Variants in BSCL2 observed in about 807,000 individuals in gnomAD.
BSCL2 encodes BSCL2 lipid droplet biogenesis associated, seipin, also known as seipin.
A neutral mutation model predicts 57.4 loss-of-function variants in BSCL2; 41 were observed. That is an observed-to-expected ratio of 0.71 (90% CI 0.56 to 0.93). BSCL2 has a LOEUF of 0.93. Ranked by LOEUF, BSCL2 falls within the 40% of genes least tolerant of loss-of-function variation. BSCL2 has a pLI of 0.00. For synonymous variants in BSCL2, 237 were observed against 227.3 expected (o/e 1.04, Z -0.38); for missense variants, 539 against 586.7 (o/e 0.92, Z 0.84).
chr11:62,705,535 G>T lies in BSCL2; in HGVS notation c.170C>A (p.Ala57Asp). ...AARNARPEPG[A>D]RHPALPAMVN... is the part of the protein sequence containing the mutation. ...CATGGCCGGGAGAGCAGGGTGTCTG[G>T]CCCCAGGTTCAGGCCTTGCGTTCCT... The change falls in exon 2 of 11, where the codon GCC becomes GAC. Residue 57 changes from alanine (A) to aspartate (D), a missense_variant. Transcript: ENST00000360796. 5 of 1,612,486 alleles carry T rather than the reference G, an allele frequency of 3.1e-6. No homozygotes were observed. Among genetic ancestry groups the T allele is most frequent in the Non-Finnish European group, 4.2e-6 (5 of 1,178,890 alleles).
chr11:62,697,777 G>C (rs1945514487), intron 3 of BSCL2, among the ~76,000 whole-genome samples: 2 of 145,834 alleles, frequency 1.4e-5, no homozygotes, highest in South Asian at 2.2e-4. Flanking sequence ...CTGGGCAACA[G>C]AGAGAGACTC....
intron 3 of BSCL2, among the ~76,000 whole-genome samples, chr11:62,695,042 G>A (rs926726513): frequency 7.2e-5 from 11 of 152,222 alleles, no homozygotes; most frequent in South Asian, 2.1e-4. Flanking sequence ...CCTATGGGCC[G>A]GTGAGGCTGT....
chr11:62,692,315 C>T (rs1369087582), intron 6 of BSCL2, 61 bp downstream of exon 6: 4 of 1,552,428 alleles, frequency 2.6e-6, no homozygotes, highest in African/African-American at 1.4e-5. Context: ...TTGGGACCCT[C>T]TTGGTGGAAG....
upstream of BSCL2, chr11:62,708,414 G>T: frequency 6.5e-7 from 1 of 1,547,958 alleles, no homozygotes; most frequent in Non-Finnish European, 8.9e-7. Context: ...ACCCTGGCTG[G>T]CTCCCATTAG....
chr11:62,690,906 G>T, intron 8 of BSCL2, 39 bp from the exon 9 acceptor site: 1 of 1,609,578 alleles, frequency 6.2e-7, no homozygotes, highest in South Asian at 1.1e-5. Flanking sequence ...TTAGGGTTAG[G>T]GTGGCTGTGC....
intron 3 of BSCL2, among the ~76,000 whole-genome samples, chr11:62,702,048 C>T (rs938176343): frequency 1.4e-5 from 2 of 146,300 alleles, no homozygotes; most frequent in Non-Finnish European, 3.0e-5. Flanking sequence ...ATTTCTTTTC[C>T]TTCAAAGCCT....
Position 62,702,516 on chromosome 11 carries a change from G to C in BSCL2, c.438C>G (p.Cys146Trp). 6.2e-7 allele frequency: 1 copy of C among 1,612,806 alleles called. No individual in the cohort carries two copies. Among genetic ancestry groups the C allele is most frequent in the Non-Finnish European group, 8.5e-7 (1 of 1,179,102 alleles). ...GCGAGACATTGGCAACAGGGAAGGA[G>C]CAGAGTGAGGTGGTGGAGGAATCAC... ...TDCDSSTTSLCSFPVANVSLT... is the reference protein window; with the variant it reads ...TDCDSSTTSLWSFPVANVSLT... The change falls in exon 3 of 11, where the codon TGC becomes TGG. Residue 146 changes from cysteine (C) to tryptophan (W), a missense_variant. Cys to Trp is a radical substitution (Grantham distance 215). Transcript: ENST00000360796.
intron 3 of BSCL2, among the ~76,000 whole-genome samples, chr11:62,696,888 C>T (rs1167996387): frequency 1.3e-5 from 2 of 151,904 alleles, no homozygotes; most frequent in Non-Finnish European, 2.9e-5. Flanking sequence ...AGGTAGTTCT[C>T]TTAGCCAGGT....
In BSCL2 at chr11:62,690,916, C is replaced by A. The variant is rs751986246; in HGVS notation, c.1073-49G>T. On this transcript the variant is annotated intron_variant, in intron 8 of 10. Coordinates refer to ENST00000360796, the MANE Select transcript of BSCL2 (RefSeq NM_001122955.4). ...ACAGGTTAGGGTTAGGGTGGCTGTGCCTGGACGGCAGTGCCAACCTCACCT... is the reference window on the plus strand; with the variant it reads ...ACAGGTTAGGGTTAGGGTGGCTGTGACTGGACGGCAGTGCCAACCTCACCT... The A allele has an allele frequency of 6.9e-6, 11 of 1,603,912 alleles. No individual in the cohort carries two copies. In the Admixed American group the frequency reaches 1.9e-4, roughly 27 times the overall value.
chr11:62,696,274 CTT>C (rs754106502), intron 3 of BSCL2, among the ~76,000 whole-genome samples: 19 of 85,166 alleles, frequency 2.2e-4, no homozygotes, highest in African/African-American at 4.8e-4. Context: ...GCTTCATAAA[CTT>C]TTTGTGTGTG....
Position 62,702,457 on chromosome 11 carries a change from C to A in BSCL2, c.486+11G>T, listed in dbSNP as rs72929434. 0.21 allele frequency: 330,422 copies of A among 1,603,676 alleles called. 35,706 individuals carry two copies. The highest frequency in any genetic ancestry group is 0.23 in the Non-Finnish European group (267,874 of 1,171,386). ...GCTCTAATGAAACCTCTCTCTAGTT[C>A]CCATACTCACCCGATCACGTCCACC... On this transcript the variant is annotated intron_variant, in intron 3 of 10. Coordinates refer to ENST00000360796, the MANE Select transcript of BSCL2 (RefSeq NM_001122955.4).
chr11:62,697,910 T>C (rs967644005), intron 3 of BSCL2, among the ~76,000 whole-genome samples: 2 of 134,770 alleles, frequency 1.5e-5, no homozygotes, highest in Admixed American at 7.3e-5. Flanking sequence ...ATCCACATCC[T>C]TTTTTTTTTT....
rs867258980 is a variant in BSCL2 at position 62,696,101 on chromosome 11, G to A, written c.487-1390C>T. ...GCAGAGAGCTGCTTGAACCCGAGAG[G>A]CGGAGGTTGCAGTGAGCTGAGATCG... On this transcript the variant is annotated intron_variant, in intron 3 of 10. Coordinates refer to ENST00000360796, the MANE Select transcript of BSCL2 (RefSeq NM_001122955.4). Among the ~76,000 whole-genome samples the A allele has an allele frequency of 3.4e-4, 52 of 152,298 alleles. 1 individual carries two copies. Among genetic ancestry groups the A allele is most frequent in the African/African-American group, 1.2e-3 (51 of 41,554 alleles).
upstream of BSCL2, chr11:62,707,784 T>G: frequency 3.8e-6 from 1 of 263,798 alleles, no homozygotes. Flanking sequence ...TCCTTTCGTA[T>G]AGTCACTGCT....
upstream of BSCL2, chr11:62,708,504 G>A (rs2083580865): frequency 1.6e-6 from 2 of 1,218,154 alleles, no homozygotes; most frequent in East Asian, 4.7e-5. Flanking sequence ...CTGAGGTCAG[G>A]GGAGGAGTCT....
intron 3 of BSCL2, among the ~76,000 whole-genome samples, chr11:62,700,841 T>A (rs747905680): frequency 1.3e-5 from 2 of 151,840 alleles, no homozygotes; most frequent in Non-Finnish European, 2.9e-5. Flanking sequence ...TAATCCCAGG[T>A]ACTCAGGAGG....
chr11:62,708,175 G>C, upstream of BSCL2: 6 of 736,476 alleles, frequency 8.1e-6, no homozygotes, highest in South Asian at 8.8e-5. Context: ...AGGAGGAGGA[G>C]GATAGGAGGG....
intron 7 of BSCL2, 53 bp downstream of exon 7, chr11:62,691,227 C>T: frequency 3.1e-6 from 5 of 1,614,152 alleles, no homozygotes; most frequent in Non-Finnish European, 3.4e-6. Context: ...CAACATACCC[C>T]TGACCACCCA....
chr11:62,704,468 C>T (rs1945753824), intron 2 of BSCL2, among the ~76,000 whole-genome samples: 1 of 151,942 alleles, frequency 6.6e-6, no homozygotes, highest in Non-Finnish European at 1.5e-5. Flanking sequence ...ATGGCGTGAG[C>T]CCAGGAGGCG....
Sources: allele counts gnomAD v4.1 joint callset (sites outside exome capture counted in the v4.1 genomes callset), GRCh38; gene constraint gnomAD v4.1.1; transcripts MANE v1.5; gene names NCBI Gene and HGNC (gene_info 2026-07-23, HGNC 2026-07-21).